The following RNF217 variants were observed in gnomAD, a reference collection of about 807,000 sequenced individuals.
RNF217 encodes ring finger protein 217, also known as E3 ubiquitin-protein ligase RNF217.
RNF217 carries 31 observed loss-of-function variants against 57.8 expected under a neutral mutation model. The observed-to-expected ratio is 0.54, with a 90% CI of 0.40 to 0.72. RNF217 has a LOEUF of 0.72. Among genes scored for constraint, RNF217 ranks in the 30% least tolerant of loss-of-function variants. RNF217 has a pLI of 0.00. For missense variants in RNF217, 696 were observed against 708.3 expected, an observed-to-expected ratio of 0.98 and a Z score of 0.20; for synonymous variants, 313 against 294.0, an observed-to-expected ratio of 1.06 and a Z score of -0.66.
intron 1 of RNF217, among the ~76,000 whole-genome samples, chr6:124,990,685 A>G (rs1267761120): frequency 6.6e-6 from 1 of 152,172 alleles, no homozygotes; most frequent in Non-Finnish European, 1.5e-5. Flanking sequence ...ACCACTGTGA[A>G]CCATGCCACC....
rs1305813027 is a variant in RNF217, at chr6:125,092,265, A to C, written c.*9328A>C. The C allele has an allele frequency of 6.6e-6, 1 of 152,160 alleles. No homozygotes were observed. 9.4% of individuals were successfully genotyped at this position (152,160 alleles called of 1,614,324 possible). On this transcript the variant is annotated 3_prime_UTR_variant, in exon 6 of 6. Transcript: ENST00000521654. ...TGCTGCTGGCGGTAAAAGCAACCCAAGTGTCAGATCACACAAATTTTAGGG... is the reference window on the plus strand; with the variant it reads ...TGCTGCTGGCGGTAAAAGCAACCCACGTGTCAGATCACACAAATTTTAGGG...
chr6:125,061,804 G>A (rs6926311), intron 3 of RNF217, among the ~76,000 whole-genome samples: 69,664 of 151,180 alleles, frequency 0.46, 16,351 homozygotes, highest in African/African-American at 0.52. Flanking sequence ...TGTTGCTTCT[G>A]AGTTTAAAAA....
intron 1 of RNF217, among the ~76,000 whole-genome samples, chr6:125,035,562 C>A (rs576544644): frequency 1.1e-4 from 16 of 152,262 alleles, no homozygotes; most frequent in African/African-American, 3.6e-4. Context: ...TCTGGATATA[C>A]AAAACTTGTC....
chr6:125,003,758 C>G (rs1562462903), intron 1 of RNF217, among the ~76,000 whole-genome samples: 1 of 151,694 alleles, frequency 6.6e-6, no homozygotes. Context: ...AAGGAAAAAC[C>G]CAATGTGATT....
At chr6:124,976,304 T>TTCCTTACACC (rs71024708) in intron 1 of RNF217, among the ~76,000 whole-genome samples, 3 of 120,652 alleles carry the variant, frequency 2.5e-5, no homozygotes, top group Admixed American at 9.5e-5. Context: ...CCTTCCTCCC[T>TTCCTTACACC]GTCACCTGGG....
chr6:124,968,324 G>T (rs920909407), intron 1 of RNF217, among the ~76,000 whole-genome samples: 1 of 152,008 alleles, frequency 6.6e-6, no homozygotes, highest in African/African-American at 2.4e-5. Context: ...CCTTCTGTGT[G>T]CAAAATGTAT....
chr6:125,020,781 C>T (rs1434209728), intron 1 of RNF217, among the ~76,000 whole-genome samples: 1 of 152,198 alleles, frequency 6.6e-6, no homozygotes, highest in Admixed American at 6.5e-5. Context: ...AGAACATTCA[C>T]AGAAGAGGGG....
At chr6:125,081,097 T>C in intron 4 of RNF217, among the ~76,000 whole-genome samples, 1 of 152,080 alleles carries the variant, frequency 6.6e-6, no homozygotes, top group South Asian at 2.1e-4. Context: ...TCTTTTAGCA[T>C]TGCGAACATT....
At chr6:124,991,528 A>G (rs776968282) in intron 1 of RNF217, among the ~76,000 whole-genome samples, 13 of 151,928 alleles carry the variant, frequency 8.6e-5, no homozygotes, top group East Asian at 3.9e-4. Flanking sequence ...TTTATTTATT[A>G]TATTCATTTT....
In RNF217 at chr6:125,076,754, G is replaced by A. The variant is rs377750449; in HGVS notation, c.1379G>A (p.Arg460Gln). The change falls in exon 4 of 6, where the codon CGA (arginine) becomes CAA (glutamine). Residue 460 changes from arginine to glutamine, a missense_variant. Arg to Gln is a conservative substitution (Grantham distance 43). Transcript: ENST00000521654. ...YRCGERYRQLRFFGDHTSNLS... is the reference protein window; with the variant it reads ...YRCGERYRQLQFFGDHTSNLS... ...TGTGGTGAGAGATACCGCCAGCTCC[G>A]ATTTTTTGGAGACCACACATCAAAC... 26 of 1,613,448 alleles carry A rather than the reference G, an allele frequency of 1.6e-5. No individual in the cohort carries two copies. The highest frequency in any genetic ancestry group is 1.9e-5 in the Non-Finnish European group (23 of 1,179,676).
intron 1 of RNF217, among the ~76,000 whole-genome samples, chr6:125,035,300 T>C (rs1259645435): frequency 6.6e-6 from 1 of 152,000 alleles, no homozygotes; most frequent in African/African-American, 2.4e-5. Context: ...ATGCTTCCAG[T>C]TTTTGCCCAT....
rs562042339 is a variant in RNF217 at position 125,011,921 on chromosome 6, A to G, written c.883-33290A>G. On this transcript the variant is annotated intron_variant, in intron 1 of 5. Transcript: ENST00000521654. Reference sequence around the variant, plus strand: ...GTTCTTGACTCTTTCCTCTGTCTTCATATGCATTTTAGTGTGATTTGGAGT... The same window carrying G: ...GTTCTTGACTCTTTCCTCTGTCTTCGTATGCATTTTAGTGTGATTTGGAGT... Among the ~76,000 whole-genome samples the G allele has an allele frequency of 3.2e-4, 49 of 152,108 alleles. 3 individuals are homozygous for G. In the South Asian group the frequency reaches 7.7e-3, roughly 24 times the overall value.
chr6:124,988,866 C>T (rs1308338145), intron 1 of RNF217, among the ~76,000 whole-genome samples: 1 of 152,140 alleles, frequency 6.6e-6, no homozygotes, highest in Non-Finnish European at 1.5e-5. Context: ...AACAGTTAAG[C>T]CGTATCTGTA....
chr6:125,010,004 T>C (rs1270751416), intron 1 of RNF217, among the ~76,000 whole-genome samples: 1 of 144,288 alleles, frequency 6.9e-6, no homozygotes, highest in African/African-American at 2.6e-5. Context: ...TTTTTTTTAC[T>C]AAATCTGAGG....
intron 3 of RNF217, among the ~76,000 whole-genome samples, chr6:125,069,998 T>C (rs1332213815): frequency 6.6e-6 from 1 of 152,096 alleles, no homozygotes; most frequent in Non-Finnish European, 1.5e-5. Context: ...GCCTCATCCC[T>C]TTCCCACTCT....
intron 1 of RNF217, among the ~76,000 whole-genome samples, chr6:125,021,416 C>T (rs994339112): frequency 6.6e-6 from 1 of 151,954 alleles, no homozygotes; most frequent in African/African-American, 2.4e-5. Flanking sequence ...CAGGTGCCTG[C>T]CACCATGCCC....
At chr6:125,048,139 C>G (rs184524595) in intron 2 of RNF217, 2 of 1,246,682 alleles carry the variant, frequency 1.6e-6, no homozygotes, top group Admixed American at 4.5e-5. Flanking sequence ...CCATACCTGT[C>G]TGGGTATTAT....
chr6:125,061,344 T>C (rs917511664), intron 3 of RNF217, among the ~76,000 whole-genome samples: 1 of 151,836 alleles, frequency 6.6e-6, no homozygotes, highest in Non-Finnish European at 1.5e-5. Context: ...AAGTATTTTT[T>C]AAATATTAAT....
chr6:125,019,577 A>G (rs1785745564), intron 1 of RNF217, among the ~76,000 whole-genome samples: 1 of 152,122 alleles, frequency 6.6e-6, no homozygotes, highest in Admixed American at 6.6e-5. Context: ...TTACAAATTA[A>G]TTTTTAACCC....
Sources: allele counts gnomAD v4.1 joint callset (sites outside exome capture counted in the v4.1 genomes callset), GRCh38; gene constraint gnomAD v4.1.1; transcripts MANE v1.5; gene names NCBI Gene and HGNC (gene_info 2026-07-23, HGNC 2026-07-21).